The following ST6GALNAC3 variants were observed in gnomAD, a reference collection of about 807,000 sequenced individuals.
ST6GALNAC3 encodes alpha-N-acetylgalactosaminide alpha-2,6-sialyltransferase 3.
ST6GALNAC3 carries 25 observed loss-of-function variants against 32.7 expected under a neutral mutation model. The observed-to-expected ratio is 0.76, with a 90% CI of 0.56 to 1.07. ST6GALNAC3 has a LOEUF of 1.07. ST6GALNAC3 is among the 50% of genes least tolerant of loss of function. The pLI, the probability that ST6GALNAC3 is intolerant of heterozygous loss-of-function variation, is 0.00. For synonymous variants in ST6GALNAC3, 129 were observed against 133.1 expected (o/e 0.97, Z 0.21); for missense variants, 355 against 382.4 (o/e 0.93, Z 0.60).
At chr1:76,274,738 G>T (rs959973197) in intron 1 of ST6GALNAC3, among the ~76,000 whole-genome samples, 2 of 152,216 alleles carry the variant, frequency 1.3e-5, no homozygotes, top group African/African-American at 4.8e-5. Flanking sequence ...AAAGAGATAG[G>T]GTGGAGGGGG....
At chr1:76,317,817 A>G (rs942496410) in intron 2 of ST6GALNAC3, among the ~76,000 whole-genome samples, 7 of 152,136 alleles carry the variant, frequency 4.6e-5, no homozygotes, top group Non-Finnish European at 1.0e-4. Context: ...ACTACTGTCT[A>G]AAGAAAAGTG....
At chr1:76,615,356 G>A (rs1570455154) in intron 3 of ST6GALNAC3, among the ~76,000 whole-genome samples, 1 of 152,112 alleles carries the variant, frequency 6.6e-6, no homozygotes, top group African/African-American at 2.4e-5. Context: ...GAAGGGAAGG[G>A]AATTGAGGGA....
Position 76,612,533 on chromosome 1 carries a change from A to C in ST6GALNAC3, c.624-14919A>C, listed in dbSNP as rs552309987. ...AATCAAACATTCAGGACCTGGAGCC[A>C]TTCACTCTCTAACATATTCTTTGGC... On this transcript the variant is annotated intron_variant, in intron 3 of 4. Coordinates refer to ENST00000328299, the MANE Select transcript of ST6GALNAC3 (RefSeq NM_152996.4). Among the ~76,000 whole-genome samples, 16 of 152,278 alleles carry C rather than the reference A, an allele frequency of 1.1e-4. 1 individual carries two copies. The South Asian group carries it at 3.1e-3, about 30-fold the overall frequency.
At chr1:76,368,814 G>C (rs1028496076) in intron 2 of ST6GALNAC3, among the ~76,000 whole-genome samples, 8 of 152,134 alleles carry the variant, frequency 5.3e-5, no homozygotes, top group South Asian at 2.1e-4. Flanking sequence ...CTCGGCTCCA[G>C]TGGCATTCAG....
In ST6GALNAC3 at chr1:76,473,210, T is replaced by A. The variant is rs540150437; in HGVS notation, c.623+60793T>A. Among the ~76,000 whole-genome samples, 235 of 152,222 alleles carry A rather than the reference T, an allele frequency of 1.5e-3. 2 individuals are homozygous for A. Among genetic ancestry groups the A allele is most frequent in the African/African-American group, 5.5e-3 (227 of 41,552 alleles). ...AGACAAGAGGTTTCAGAGTGAGGAATAGAGTAGAACTCATAAATGAAGGAG... is the reference window on the plus strand; with the variant it reads ...AGACAAGAGGTTTCAGAGTGAGGAAAAGAGTAGAACTCATAAATGAAGGAG... On this transcript the variant is annotated intron_variant, in intron 3 of 4. Coordinates refer to ENST00000328299, the MANE Select transcript of ST6GALNAC3 (RefSeq NM_152996.4).
At chr1:76,234,662 AC>A (rs1656550559) in intron 1 of ST6GALNAC3, among the ~76,000 whole-genome samples, 1 of 152,188 alleles carries the variant, frequency 6.6e-6, no homozygotes, top group Non-Finnish European at 1.5e-5. Context: ...AATCTTCAAA[AC>A]ACATTTTTTA....
chr1:76,151,039 A>T (rs1266491462), intron 1 of ST6GALNAC3, among the ~76,000 whole-genome samples: 1 of 152,158 alleles, frequency 6.6e-6, no homozygotes, highest in East Asian at 1.9e-4. Flanking sequence ...CTGCTTCATG[A>T]CCTGACATGC....
chr1:76,173,962 T>A (rs1366124386), intron 1 of ST6GALNAC3, among the ~76,000 whole-genome samples: 1 of 152,180 alleles, frequency 6.6e-6, no homozygotes, highest in East Asian at 1.9e-4. Context: ...GAAATACCAT[T>A]TGACCCAGCA....
At chr1:76,081,222 A>G (rs1032878441) in intron 1 of ST6GALNAC3, among the ~76,000 whole-genome samples, 3 of 150,934 alleles carry the variant, frequency 2.0e-5, no homozygotes, top group Admixed American at 1.3e-4. Flanking sequence ...CTTGGGCCAC[A>G]TTGGAAGAAG....
intron 2 of ST6GALNAC3, among the ~76,000 whole-genome samples, chr1:76,358,866 G>T (rs1262642048): frequency 6.6e-6 from 1 of 151,966 alleles, no homozygotes; most frequent in Non-Finnish European, 1.5e-5. Context: ...CTTCTGTCTG[G>T]GATGCTCTTC....
intron 3 of ST6GALNAC3, among the ~76,000 whole-genome samples, chr1:76,500,663 C>T (rs532927532): frequency 1.3e-4 from 20 of 152,112 alleles, no homozygotes; most frequent in Non-Finnish European, 2.5e-4. Context: ...TTGTTTCAGG[C>T]TAATGTGTCT....
At chr1:76,183,787 T>C (rs1653342870) in intron 1 of ST6GALNAC3, among the ~76,000 whole-genome samples, 1 of 149,920 alleles carries the variant, frequency 6.7e-6, no homozygotes, top group Admixed American at 6.7e-5. Context: ...AAAATTATGG[T>C]ATTATAGTCT....
In ST6GALNAC3 at chr1:76,632,301, T is replaced by C. The variant is rs1649335860; in HGVS notation, c.*3495T>C. ...GCCAGAAGAATAAAGCTAGAGAAGCTGCTAAATCTAGAAAACACAATCAGA... is the reference window on the plus strand; with the variant it reads ...GCCAGAAGAATAAAGCTAGAGAAGCCGCTAAATCTAGAAAACACAATCAGA... On this transcript the variant is annotated 3_prime_UTR_variant, in exon 5 of 5. Transcript: ENST00000328299. 6.6e-6 allele frequency: 1 copy of C among 152,116 alleles called. No individual in the cohort carries two copies. The allele number at this position is 152,116 out of a possible 1,614,324, so 9.4% of individuals were successfully genotyped here.
chr1:76,258,435 AC>A (rs1441827752), intron 1 of ST6GALNAC3, among the ~76,000 whole-genome samples: 1 of 152,140 alleles, frequency 6.6e-6, no homozygotes, highest in Non-Finnish European at 1.5e-5. Flanking sequence ...AGAAATGGGC[AC>A]CTTTGGCATG....
At chr1:76,313,454 A>G (rs989232711) in intron 1 of ST6GALNAC3, among the ~76,000 whole-genome samples, 2 of 152,128 alleles carry the variant, frequency 1.3e-5, no homozygotes, top group African/African-American at 4.8e-5. Context: ...GGGTCAAAGC[A>G]TGGTGGTGAG....
intron 3 of ST6GALNAC3, among the ~76,000 whole-genome samples, chr1:76,599,221 G>A (rs1416540333): frequency 1.4e-5 from 1 of 73,154 alleles, no homozygotes; most frequent in Non-Finnish European, 2.7e-5. Context: ...ATTTATGTAA[G>A]ATTTTGTGTT....
intron 3 of ST6GALNAC3, among the ~76,000 whole-genome samples, chr1:76,453,726 G>A (rs1382728555): frequency 6.6e-6 from 1 of 152,092 alleles, no homozygotes; most frequent in Non-Finnish European, 1.5e-5. Flanking sequence ...AATGTTCCAT[G>A]TGCTGATAAA....
chr1:76,195,813 A>G (rs554731251), intron 1 of ST6GALNAC3, among the ~76,000 whole-genome samples: 1 of 152,334 alleles, frequency 6.6e-6, no homozygotes, highest in South Asian at 2.1e-4. Context: ...TGAGTTCTAT[A>G]AAGGAAGTCA....
rs191933714 is a variant in ST6GALNAC3, at chr1:76,489,116, A to G, written c.623+76699A>G. Among the ~76,000 whole-genome samples the G allele has an allele frequency of 1.2e-4, 18 of 152,298 alleles. No homozygotes were observed. The East Asian group carries it at 3.1e-3, about 26-fold the overall frequency. ...TTGGAAAAAAGTAGTTGTTTAGTCA[A>G]CATTTATTACTTAAATTAATGAATG... On this transcript the variant is annotated intron_variant, in intron 3 of 4. Coordinates refer to ENST00000328299, the MANE Select transcript of ST6GALNAC3 (RefSeq NM_152996.4).
Sources: gnomAD v4.1 joint callset for allele counts (sites outside exome capture counted in the v4.1 genomes callset) on GRCh38, gnomAD v4.1.1 for gene constraint, MANE v1.5 for transcripts, NCBI Gene and HGNC (gene_info 2026-07-23, HGNC 2026-07-21) for gene names.